The following LANCL2 variants were observed in gnomAD, a reference collection of about 807,000 sequenced individuals.
LANCL2 encodes LanC like glutathione S-transferase 2, also known as lanC-like protein 2.
LANCL2 carries 33 observed loss-of-function variants against 56.9 expected under a neutral mutation model. That is an observed-to-expected ratio of 0.58 (90% CI 0.44 to 0.78). LANCL2 has a LOEUF of 0.78. Among genes scored for constraint, LANCL2 ranks in the 30% least tolerant of loss-of-function variants. The pLI, the probability that LANCL2 is intolerant of heterozygous loss-of-function variation, is 0.00. For synonymous variants in LANCL2, 233 were observed against 228.2 expected (o/e 1.02, Z -0.19); for missense variants, 562 against 580.2 (o/e 0.97, Z 0.32).
chr7:55,397,444 G>C (rs1790266916), intron 2 of LANCL2, among the ~76,000 whole-genome samples: 1 of 123,856 alleles, frequency 8.1e-6, no homozygotes, highest in African/African-American at 3.3e-5. Flanking sequence ...CTGGGCAACA[G>C]AGCAAGACTC....
At chr7:55,370,930 A>G (rs1789937281) in intron 1 of LANCL2, among the ~76,000 whole-genome samples, 1 of 152,258 alleles carries the variant, frequency 6.6e-6, no homozygotes, top group Non-Finnish European at 1.5e-5. Context: ...GGTATACCAC[A>G]TGGTGTTATG....
chr7:55,401,415 T>C, intron 5 of LANCL2, 95 bp downstream of exon 5: 1 of 1,072,826 alleles, frequency 9.3e-7, no homozygotes, highest in Non-Finnish European at 1.3e-6. Context: ...TGGATTGAAA[T>C]ACCCTACTTT....
At chr7:55,415,621 C>CTTTTTTTTTTTTTTTTTTTTTTTTTTTTT (rs71031852) in intron 6 of LANCL2, among the ~76,000 whole-genome samples, 3 of 111,804 alleles carry the variant, frequency 2.7e-5, no homozygotes, top group African/African-American at 6.3e-5. Flanking sequence ...GTTTTTCTTT[C>CTTTTTTTTTTTTTTTTTTTTTTTTTTTTT]TTTTTTTTGA....
At chr7:55,426,570 G>T (rs1028342033) in intron 7 of LANCL2, among the ~76,000 whole-genome samples, 7 of 152,208 alleles carry the variant, frequency 4.6e-5, no homozygotes, top group African/African-American at 1.7e-4. Context: ...CACATCTGTG[G>T]CTCCCCCACT....
At position 55,381,965 on chromosome 7, in the gene LANCL2, G is replaced by A. The variant is rs74952530; in HGVS notation, c.205-9828G>A. ...GCTGATGCCTTCCAGAGATTTCTTC[G>A]CTGGTTGGGAGGGAAGGAGGGACAC... On this transcript the variant is annotated intron_variant, in intron 1 of 8. Transcript: ENST00000254770. Among the ~76,000 whole-genome samples, 625 of 152,292 alleles carry A rather than the reference G, an allele frequency of 4.1e-3. 5 individuals carry two copies. Among genetic ancestry groups the A allele is most frequent in the African/African-American group, 0.013 (560 of 41,546 alleles).
intron 7 of LANCL2, among the ~76,000 whole-genome samples, chr7:55,425,692 A>G (rs1790656759): frequency 6.6e-6 from 1 of 152,180 alleles, no homozygotes; most frequent in African/African-American, 2.4e-5. Context: ...CACCTGTGCC[A>G]TTTATTGGCT....
intron 5 of LANCL2, among the ~76,000 whole-genome samples, chr7:55,409,092 G>GT (rs113959130): frequency 0.013 from 1,908 of 144,378 alleles, 18 homozygotes; most frequent in African/African-American, 0.022. Context: ...TGATTTCCAA[G>GT]TTTTTTTTTT....
At chr7:55,388,265 G>A (rs184226110) in intron 1 of LANCL2, among the ~76,000 whole-genome samples, 6 of 152,304 alleles carry the variant, frequency 3.9e-5, no homozygotes, top group Admixed American at 3.3e-4. Flanking sequence ...AAAGGAATGG[G>A]CCGGGCACTG....
At chr7:55,401,397 A>G in intron 5 of LANCL2, 77 bp downstream of exon 5, 1 of 1,333,568 alleles carries the variant, frequency 7.5e-7, no homozygotes, top group Non-Finnish European at 1.1e-6. Flanking sequence ...CATATAAACA[A>G]AGCAGTCTGG....
intron 1 of LANCL2, among the ~76,000 whole-genome samples, chr7:55,375,524 G>C (rs1789991023): frequency 6.6e-6 from 1 of 152,202 alleles, no homozygotes; most frequent in African/African-American, 2.4e-5. Context: ...AGTTGCCCAG[G>C]CAGACTCTGT....
chr7:55,399,777 A>G (rs1790299715), intron 3 of LANCL2, among the ~76,000 whole-genome samples, 180 bp from the exon 4 acceptor site: 1 of 152,228 alleles, frequency 6.6e-6, no homozygotes, highest in African/African-American at 2.4e-5. Flanking sequence ...TTGACATTCA[A>G]AAGGGGACTA....
intron 5 of LANCL2, among the ~76,000 whole-genome samples, chr7:55,406,263 A>G (rs1790405746): frequency 6.6e-6 from 1 of 152,164 alleles, no homozygotes; most frequent in Non-Finnish European, 1.5e-5. Context: ...CCACCCTCTG[A>G]GTCAAAAGGT....
At chr7:55,403,261 C>G (rs1410092114) in intron 5 of LANCL2, among the ~76,000 whole-genome samples, 1 of 152,248 alleles carries the variant, frequency 6.6e-6, no homozygotes, top group Non-Finnish European at 1.5e-5. Flanking sequence ...GCCAACACAG[C>G]GAAACCCCGT....
At chr7:55,385,670 G>A (rs973971027) in intron 1 of LANCL2, among the ~76,000 whole-genome samples, 4 of 152,204 alleles carry the variant, frequency 2.6e-5, no homozygotes, top group African/African-American at 7.2e-5. Context: ...GAGATCACAG[G>A]ACCACAGGAT....
chr7:55,385,984 C>T (rs1462173167), intron 1 of LANCL2, among the ~76,000 whole-genome samples: 4 of 152,212 alleles, frequency 2.6e-5, no homozygotes, highest in African/African-American at 9.6e-5. Flanking sequence ...CTCCCATTTG[C>T]TTTTGAAAGA....
chr7:55,379,164 A>G (rs1400675951), intron 1 of LANCL2, among the ~76,000 whole-genome samples: 1 of 152,172 alleles, frequency 6.6e-6, no homozygotes, highest in African/African-American at 2.4e-5. Context: ...AACACAAAAC[A>G]AAACAAAACT....
chr7:55,366,367 C>A, intron 1 of LANCL2, 138 bp downstream of exon 1: 1 of 685,946 alleles, frequency 1.5e-6, no homozygotes, highest in Non-Finnish European at 2.3e-6. Context: ...CACCTGTCTC[C>A]GGGCCTTCCC....
intron 5 of LANCL2, among the ~76,000 whole-genome samples, chr7:55,407,376 A>C (rs62457871): frequency 0.16 from 24,207 of 152,220 alleles, 2,094 homozygotes; most frequent in Middle Eastern, 0.27. Flanking sequence ...CGGGGCTTGA[A>C]GTCACTTTTC....
At chr7:55,428,920 T>C (rs1562871682) in intron 8 of LANCL2, among the ~76,000 whole-genome samples, 1 of 152,158 alleles carries the variant, frequency 6.6e-6, no homozygotes, top group African/African-American at 2.4e-5. Flanking sequence ...AGAGGAGCAC[T>C]GATAGGCAGG....
Sources: allele counts gnomAD v4.1 joint callset (sites outside exome capture counted in the v4.1 genomes callset), GRCh38; gene constraint gnomAD v4.1.1; transcripts MANE v1.5; gene names NCBI Gene and HGNC (gene_info 2026-07-23, HGNC 2026-07-21).